ADCY8: variants seen among roughly 807,000 people sequenced by gnomAD.
The protein encoded by ADCY8 is adenylate cyclase type 8.
ADCY8 carries 51 observed loss-of-function variants against 119.7 expected under a neutral mutation model. The ratio of observed to expected loss-of-function variants is 0.43; its 90% confidence interval spans 0.34 to 0.54. The LOEUF (loss-of-function observed/expected upper bound fraction) is 0.54, where lower values mean the gene tolerates loss of function less well. Ranked by LOEUF, ADCY8 falls within the 20% of genes least tolerant of loss-of-function variation. ADCY8 has a pLI of 0.03. For synonymous variants in ADCY8, 665 were observed against 651.0 expected (o/e 1.02, Z -0.33); for missense variants, 1,383 against 1,598.8 (o/e 0.87, Z 2.30).
At chr8:130,822,181 T>C (rs959181222) in intron 12 of ADCY8, among the ~76,000 whole-genome samples, 1 of 152,016 alleles carries the variant, frequency 6.6e-6, no homozygotes, top group Non-Finnish European at 1.5e-5. Context: ...CTTGTTGCCA[T>C]AGGAATACAC....
At chr8:130,845,836 T>C (rs1374804633) in intron 11 of ADCY8, among the ~76,000 whole-genome samples, 1 of 152,022 alleles carries the variant, frequency 6.6e-6, no homozygotes, top group Non-Finnish European at 1.5e-5. Context: ...ATAATTGAAT[T>C]AATAAAAGAA....
At chr8:131,030,848 C>T (rs1037152936) in intron 1 of ADCY8, among the ~76,000 whole-genome samples, 7 of 152,286 alleles carry the variant, frequency 4.6e-5, no homozygotes, top group African/African-American at 7.2e-5. Context: ...CTAATTATGT[C>T]GCCTGAAATA....
intron 5 of ADCY8, among the ~76,000 whole-genome samples, chr8:130,933,214 CAT>C (rs5895069): frequency 0.55 from 82,989 of 151,632 alleles, 23,893 homozygotes; most frequent in African/African-American, 0.73. Context: ...GTTATATTAA[CAT>C]ATAACATTAT....
intron 12 of ADCY8, among the ~76,000 whole-genome samples, chr8:130,831,973 C>A (rs775918363): frequency 9.9e-5 from 15 of 152,168 alleles, no homozygotes; most frequent in African/African-American, 3.6e-4. Flanking sequence ...ATTTCTACAG[C>A]ATAGGGACTA....
intron 2 of ADCY8, among the ~76,000 whole-genome samples, chr8:130,967,102 T>C (rs1426131003): frequency 6.6e-6 from 1 of 152,254 alleles, no homozygotes; most frequent in Non-Finnish European, 1.5e-5. Context: ...ATCTTGACTC[T>C]GGCATTTGGG....
chr8:131,009,762 T>A (rs1346830671), intron 1 of ADCY8, among the ~76,000 whole-genome samples: 1 of 152,120 alleles, frequency 6.6e-6, no homozygotes, highest in Admixed American at 6.5e-5. Flanking sequence ...GAGGTAACAT[T>A]TAAGTTGATT....
At chr8:130,817,312 A>G (rs558792718) in intron 13 of ADCY8, among the ~76,000 whole-genome samples, 68 of 152,314 alleles carry the variant, frequency 4.5e-4, no homozygotes, top group African/African-American at 1.6e-3. Flanking sequence ...CTCATGATGT[A>G]TAGATTTTCT....
chr8:130,834,177 T>A (rs957771690), intron 12 of ADCY8, among the ~76,000 whole-genome samples: 1 of 152,164 alleles, frequency 6.6e-6, no homozygotes, highest in Non-Finnish European at 1.5e-5. Flanking sequence ...AATTATTTGT[T>A]AATTAAAAAC....
At chr8:130,862,638 C>A (rs1000716334) in intron 9 of ADCY8, among the ~76,000 whole-genome samples, 7 of 152,166 alleles carry the variant, frequency 4.6e-5, no homozygotes, top group African/African-American at 1.7e-4. Flanking sequence ...TGGTCTCGAT[C>A]TCCTGACCTC....
At chr8:130,891,769 C>A (rs747802686) in intron 7 of ADCY8, among the ~76,000 whole-genome samples, 2 of 152,048 alleles carry the variant, frequency 1.3e-5, no homozygotes, top group East Asian at 1.9e-4. Flanking sequence ...GATAAAATAT[C>A]CACATGAGAT....
chr8:130,970,031 C>T (rs996124472), intron 2 of ADCY8, among the ~76,000 whole-genome samples: 1 of 152,150 alleles, frequency 6.6e-6, no homozygotes, highest in African/African-American at 2.4e-5. Flanking sequence ...ACAATGACAC[C>T]TTTGTGAGTT....
At position 130,804,920 on chromosome 8, in the gene ADCY8, T is replaced by C. The variant is rs966173541; in HGVS notation, c.2914-4348A>G. ...TGCCATCATACCAGGCTAATTTTTG[T>C]ATTTTTAGTAGAGATGGGGTTTCAT... On this transcript the variant is annotated intron_variant, in intron 14 of 17. Coordinates refer to ENST00000286355, the MANE Select transcript of ADCY8 (RefSeq NM_001115.3). 4.6e-5 allele frequency among the ~76,000 whole-genome samples: 7 copies of C among 152,148 alleles called. No homozygotes were observed. In the East Asian group the frequency reaches 1.3e-3, roughly 29 times the overall value.
At chr8:130,888,978 C>T (rs1422887267) in intron 7 of ADCY8, among the ~76,000 whole-genome samples, 1 of 152,080 alleles carries the variant, frequency 6.6e-6, no homozygotes, top group African/African-American at 2.4e-5. Context: ...GAGTCAAAAC[C>T]ATTTCAGGTC....
At chr8:131,001,592 T>C (rs1203490991) in intron 1 of ADCY8, among the ~76,000 whole-genome samples, 1 of 148,010 alleles carries the variant, frequency 6.8e-6, no homozygotes, top group Non-Finnish European at 1.5e-5. Context: ...ATCTAATATA[T>C]ACACATACTA....
intron 2 of ADCY8, among the ~76,000 whole-genome samples, chr8:130,961,466 A>C (rs1033022480): frequency 6.6e-6 from 1 of 152,068 alleles, no homozygotes; most frequent in Admixed American, 6.5e-5. Context: ...GAGATTTATG[A>C]GTCTTTATGA....
Position 130,802,975 on chromosome 8 carries a change from C to T in ADCY8, c.2914-2403G>A, listed in dbSNP as rs1360695334. Reference sequence around the variant, plus strand: ...TTTCCCAGCCGGATTAAGCTCCAGTCGCCCACAGAGGTAACTAATCGGATG... The same window carrying T: ...TTTCCCAGCCGGATTAAGCTCCAGTTGCCCACAGAGGTAACTAATCGGATG... On this transcript the variant is annotated intron_variant, in intron 14 of 17. Coordinates refer to ENST00000286355, the MANE Select transcript of ADCY8 (RefSeq NM_001115.3). 6.6e-5 allele frequency among the ~76,000 whole-genome samples: 10 copies of T among 152,372 alleles called. No homozygotes were observed. The South Asian group carries it at 1.0e-3, about 16-fold the overall frequency.
At chr8:131,013,390 G>C (rs1823371694) in intron 1 of ADCY8, among the ~76,000 whole-genome samples, 2 of 152,248 alleles carry the variant, frequency 1.3e-5, no homozygotes, top group South Asian at 4.1e-4. Context: ...GAAGGGAAGA[G>C]GTCACTTTAT....
chr8:131,023,499 T>C (rs1209442781), intron 1 of ADCY8, among the ~76,000 whole-genome samples: 1 of 152,158 alleles, frequency 6.6e-6, no homozygotes, highest in Non-Finnish European at 1.5e-5. Flanking sequence ...GACTGTATCT[T>C]CCCTCCTTGC....
At chr8:130,900,787 C>T (rs192985133) in intron 7 of ADCY8, among the ~76,000 whole-genome samples, 5 of 152,292 alleles carry the variant, frequency 3.3e-5, no homozygotes, top group Admixed American at 1.3e-4. Flanking sequence ...ACTGCCATGT[C>T]TTCTACTAAC....
Sources: allele counts gnomAD v4.1 joint callset (sites outside exome capture counted in the v4.1 genomes callset), GRCh38; gene constraint gnomAD v4.1.1; transcripts MANE v1.5; gene names NCBI Gene and HGNC (gene_info 2026-07-23, HGNC 2026-07-21).